Variants in GSE1 observed in about 807,000 individuals in gnomAD.
GSE1 encodes Gse1 coiled-coil protein, also known as genetic suppressor element 1.
A neutral mutation model predicts 112.6 loss-of-function variants in GSE1; 32 were observed. The ratio of observed to expected loss-of-function variants is 0.28; its 90% CI spans 0.21 to 0.38. GSE1 has a LOEUF of 0.38. GSE1 is among the 10% of genes least tolerant of loss of function. The pLI is 1.00. For synonymous variants in GSE1, 1,115 were observed against 735.6 expected, an observed-to-expected ratio of 1.52 and a Z score of -8.35; for missense variants, 2,348 against 1,699.2, an observed-to-expected ratio of 1.38 and a Z score of -6.71.
chr16:85,510,169 C>T lies in GSE1; in HGVS notation c.2465-123745C>T, dbSNP rs1017275016. ...CTCGGCTCTCCCATCATTAGGGGGC[C>T]GCTCAGCTGCTCAGAAAGAAAGTGC... On this transcript the variant is annotated intron_variant, in intron 2 of 2. Coordinates refer to the GSE1 transcript ENST00000637419. Among the ~76,000 whole-genome samples the T allele has an allele frequency of 4.6e-5, 7 of 152,204 alleles. 1 individual carries two copies. Among genetic ancestry groups the T allele is most frequent in the Non-Finnish European group, 4.4e-5 (3 of 68,026 alleles).
At chr16:85,328,812 TCCCCGCC>T (rs2046279578) in intron 1 of GSE1, among the ~76,000 whole-genome samples, 1 of 3,624 alleles carries the variant, frequency 2.8e-4, no homozygotes. Context: ...CCCCGGGGCC[TCCCCGCC>T]CCGGGGCCTC....
intron 2 of GSE1, among the ~76,000 whole-genome samples, chr16:85,415,829 A>G (rs1250088832): frequency 2.0e-5 from 3 of 152,186 alleles, no homozygotes; most frequent in Non-Finnish European, 4.4e-5. Flanking sequence ...GGCTATTTAC[A>G]GTGTTGAGGC....
chr16:85,200,642 G>A (rs769521224), intron 1 of GSE1, among the ~76,000 whole-genome samples: 12 of 152,142 alleles, frequency 7.9e-5, no homozygotes, highest in Non-Finnish European at 1.5e-4. Flanking sequence ...CACCCCAAGA[G>A]GACATTGCCC....
At position 85,672,101 on chromosome 16, in the gene GSE1, C is replaced by T. The variant is rs896191862; in HGVS notation, c.3520-304C>T. 30 of 321,032 alleles carry T rather than the reference C, an allele frequency of 9.3e-5. No individual in the cohort carries two copies. In the East Asian group the frequency reaches 1.1e-3, roughly 12 times the overall value. 19.9% of individuals were successfully genotyped at this position (321,032 alleles called of 1,614,324 possible). A position where few individuals can be genotyped will look rare whatever the true frequency, so the allele number is the denominator to read the frequency against. On this transcript the variant is annotated intron_variant, in intron 15 of 15. Transcript: ENST00000253458. ...GCAACCTCCGCCTCCTGGGTTCAAG[C>T]GATTCTCCTGCCTCAGCCTCCCGAG...
Position 85,258,621 on chromosome 16 carries a change from G to C in GSE1, c.2283+86814G>C, listed in dbSNP as rs554054502. On this transcript the variant is annotated intron_variant, in intron 1 of 2. Transcript: ENST00000637419. ...CAAGGCATCAGGAATCCCAGCGAGA[G>C]CCCCTTCTCCGCCTGTGGGAGGAGG... 4.6e-5 allele frequency among the ~76,000 whole-genome samples: 7 copies of C among 152,278 alleles called. No homozygotes were observed. The East Asian group carries it at 7.7e-4, about 17-fold the overall frequency.
Position 85,648,685 on chromosome 16 carries a change from C to T in GSE1, c.360C>T (p.Thr120=). The T allele has an allele frequency of 3.1e-6, 5 of 1,606,860 alleles. No individual in the cohort carries two copies. Among genetic ancestry groups the T allele is most frequent in the African/African-American group, 2.7e-5 (2 of 74,828 alleles). Residue 120 remains threonine (T), a synonymous_variant, in exon 3 of 16, where the codon ACC becomes ACT. Transcript: ENST00000253458. The stretch of plus-strand genomic sequence containing the variant: ...CTGGGGGCCACAGCGTGCCCAGCAC[C>T]CCCCCCGTGGTGACCATCGCTCCAA... ...VPPGGHSVPS[T]PPVVTIAPTK... is the part of the protein sequence containing the mutation.
Position 85,661,467 on chromosome 16 carries a change from GCCA to G in GSE1, c.1967_1969del (p.Pro656del). 1 of 1,611,456 alleles carries G rather than the reference GCCA, an allele frequency of 6.2e-7. No homozygotes were observed. Among genetic ancestry groups the G allele is most frequent in the South Asian group, 1.1e-5 (1 of 91,010 alleles). ...TGGACAAGTACCAGCCACCTCCGCC[GCCA>G]CCACGAGAGGGAGGGAGCCTGGAGC... On this transcript the variant is annotated inframe_deletion, in exon 9 of 16. Coordinates refer to ENST00000253458, the MANE Select transcript of GSE1 (RefSeq NM_014615.5).
At chr16:85,486,246 CTCAT>C (rs2050833536) in intron 2 of GSE1, among the ~76,000 whole-genome samples, 1 of 152,228 alleles carries the variant, frequency 6.6e-6, no homozygotes, top group African/African-American at 2.4e-5. Flanking sequence ...CACTCACACA[CTCAT>C]TCACATGCTC....
chr16:85,310,378 A>G (rs1452318507), intron 1 of GSE1, among the ~76,000 whole-genome samples: 5 of 152,206 alleles, frequency 3.3e-5, no homozygotes. Flanking sequence ...AACAGTAGCT[A>G]CTTTATTAAG....
At chr16:85,380,521 C>CCCG (rs1275141225) in intron 2 of GSE1, among the ~76,000 whole-genome samples, 1 of 151,898 alleles carries the variant, frequency 6.6e-6, no homozygotes, top group African/African-American at 2.4e-5. Flanking sequence ...CCCCCCTCCA[C>CCCG]CCGCCACCCT....
At chr16:85,183,735 G>A (rs960942531) in intron 1 of GSE1, among the ~76,000 whole-genome samples, 1 of 152,222 alleles carries the variant, frequency 6.6e-6, no homozygotes, top group African/African-American at 2.4e-5. Flanking sequence ...TTACCTCAGA[G>A]GTGATTATCC....
chr16:85,522,577 A>C (rs541147538), intron 2 of GSE1, among the ~76,000 whole-genome samples: 1 of 152,324 alleles, frequency 6.6e-6, no homozygotes, highest in African/African-American at 2.4e-5. Flanking sequence ...TGGCTCACAA[A>C]GTGGGGATAA....
At chr16:85,361,268 C>G (rs1277570312) in intron 2 of GSE1, among the ~76,000 whole-genome samples, 1 of 136,814 alleles carries the variant, frequency 7.3e-6, no homozygotes, top group African/African-American at 2.8e-5. Flanking sequence ...CACACACAAA[C>G]ATACAGACGC....
At chr16:85,559,469 C>T (rs1248409989) in intron 1 of GSE1, among the ~76,000 whole-genome samples, 1 of 152,220 alleles carries the variant, frequency 6.6e-6, no homozygotes, top group African/African-American at 2.4e-5. Flanking sequence ...TGGTGCTCTG[C>T]AGCCTCTTGG....
chr16:85,321,834 C>T (rs1020770619), intron 1 of GSE1, among the ~76,000 whole-genome samples: 5 of 151,778 alleles, frequency 3.3e-5, no homozygotes, highest in Admixed American at 2.6e-4. Context: ...CTGTAACTGA[C>T]GGAAGAATCT....
chr16:85,612,799 GAC>G (rs2048078975), upstream of GSE1, among the ~76,000 whole-genome samples: 1 of 152,306 alleles, frequency 6.6e-6, no homozygotes, highest in East Asian at 1.9e-4. Flanking sequence ...AGGCCTCCAG[GAC>G]ACGGAGTTAC....
intron 2 of GSE1, among the ~76,000 whole-genome samples, chr16:85,520,273 A>T (rs1050847326): frequency 6.6e-6 from 1 of 152,010 alleles, no homozygotes. Flanking sequence ...CTCATGCCCT[A>T]ATCACCTCCA....
chr16:85,569,925 G>GC (rs796953943), intron 1 of GSE1, among the ~76,000 whole-genome samples: 215 of 152,282 alleles, frequency 1.4e-3, no homozygotes, highest in African/African-American at 4.9e-3. Flanking sequence ...GCCACTTCCT[G>GC]CCTGAGCCCT....
chr16:85,492,981 C>T lies in GSE1; in HGVS notation c.2464+135338C>T, dbSNP rs560926668. 1.6e-4 allele frequency among the ~76,000 whole-genome samples: 24 copies of T among 152,274 alleles called. No homozygotes were observed. The East Asian group carries it at 4.3e-3, about 27-fold the overall frequency. On this transcript the variant is annotated intron_variant, in intron 2 of 2. Coordinates refer to the GSE1 transcript ENST00000637419. ...CACGTCCTGAGAGTATGTGATCGGT[C>T]TGTGGGAATGCGCACTAAAAGAGCT...
Sources: allele counts gnomAD v4.1 joint callset (sites outside exome capture counted in the v4.1 genomes callset), GRCh38; gene constraint gnomAD v4.1.1; transcripts MANE v1.5; gene names NCBI Gene and HGNC (gene_info 2026-07-23, HGNC 2026-07-21).